The following RAD52 variants were observed in gnomAD, a reference collection of about 807,000 sequenced individuals.
The protein encoded by RAD52 is DNA repair protein RAD52 homolog.
RAD52 carries 47 observed loss-of-function variants against 55.5 expected under a neutral mutation model. The observed-to-expected ratio is 0.85, with a 90% CI of 0.67 to 1.08. The LOEUF (loss-of-function observed/expected upper bound fraction) is 1.08. Ranked by LOEUF, RAD52 falls within the 50% of genes least tolerant of loss-of-function variation. RAD52 has a pLI of 0.00. For missense variants in RAD52, 468 were observed against 522.8 expected (o/e 0.90, Z 1.02); for synonymous variants, 184 against 198.9 (o/e 0.92, Z 0.63).
At chr12:984,288 C>T (rs1467227491) in intron 1 of RAD52, among the ~76,000 whole-genome samples, 1 of 152,032 alleles carries the variant, frequency 6.6e-6, no homozygotes, top group African/African-American at 2.4e-5. Context: ...CTCCGCCTCC[C>T]GGGTTCAAGC....
chr12:983,258 A>G (rs1476955747), intron 1 of RAD52, among the ~76,000 whole-genome samples: 1 of 152,116 alleles, frequency 6.6e-6, no homozygotes, highest in African/African-American at 2.4e-5. Context: ...GCAGCACTCC[A>G]CTTCTTGGCA....
upstream of RAD52, among the ~76,000 whole-genome samples, chr12:950,338 G>A (rs575741009): frequency 1.3e-5 from 2 of 152,158 alleles, no homozygotes; most frequent in Non-Finnish European, 2.9e-5. Context: ...TTGGGACGCC[G>A]AGGCGGGCTG....
At chr12:977,037 G>C (rs1176803864) in intron 1 of RAD52, 1 of 152,548 alleles carries the variant, frequency 6.6e-6, no homozygotes, top group East Asian at 1.9e-4. Context: ...CACAGTCCTC[G>C]ATCCTTGTCT....
At chr12:916,599 G>A (rs775728566) in intron 8 of RAD52, 40 bp downstream of exon 8, 2 of 1,599,996 alleles carry the variant, frequency 1.3e-6, no homozygotes, top group Non-Finnish European at 1.7e-6. Context: ...CGTGACACAG[G>A]AGGGGCCGCA....
At chr12:971,918 T>A (rs1454071199) in intron 1 of RAD52, among the ~76,000 whole-genome samples, 1 of 152,152 alleles carries the variant, frequency 6.6e-6, no homozygotes, top group Non-Finnish European at 1.5e-5. Context: ...CTGGCTAATT[T>A]TTTGTATTTT....
chr12:962,638 C>T (rs183282102), intron 1 of RAD52, among the ~76,000 whole-genome samples: 1 of 152,182 alleles, frequency 6.6e-6, no homozygotes, highest in Non-Finnish European at 1.5e-5. Context: ...TGAGCCACTG[C>T]ACCTGGCCCA....
rs1035256732 is a variant in RAD52, at chr12:912,157, G to C, written c.*1234C>G. 1 of 197,846 alleles carries C rather than the reference G, an allele frequency of 5.1e-6. No individual in the cohort carries two copies. The highest frequency in any genetic ancestry group is 2.3e-5 in the African/African-American group (1 of 43,334). The allele number at this position is 197,846 out of a possible 1,614,324, so 12.3% of individuals were successfully genotyped here. ...CACCTGAAATGGGGAAGTAGAAACA[G>C]TTGCGTTTGAGCATCCCTAATTGAA... On this transcript the variant is annotated 3_prime_UTR_variant, in exon 12 of 12. Coordinates refer to ENST00000358495, the MANE Select transcript of RAD52 (RefSeq NM_134424.4).
upstream of RAD52, among the ~76,000 whole-genome samples, chr12:954,092 T>A (rs896806733): frequency 2.6e-4 from 39 of 152,362 alleles, no homozygotes; most frequent in African/African-American, 8.4e-4. Flanking sequence ...TGATTACTAA[T>A]GATTTTAAGC....
Position 929,816 on chromosome 12 carries a change from C to T in RAD52, c.348+3G>A, listed in dbSNP as rs766000084. On this transcript the variant is annotated splice_donor_region_variant and intron_variant, in intron 5 of 11. Coordinates refer to ENST00000358495, the MANE Select transcript of RAD52 (RefSeq NM_134424.4). ...GGGCAGCAGGTCTACTCCATCCCCTCACCTTCAGCTGGACCCTCACAAATG... is the reference window on the plus strand; with the variant it reads ...GGGCAGCAGGTCTACTCCATCCCCTTACCTTCAGCTGGACCCTCACAAATG... 1.9e-6 allele frequency: 3 copies of T among 1,613,140 alleles called. No homozygotes were observed. The highest frequency in any genetic ancestry group is 2.5e-6 in the Non-Finnish European group (3 of 1,179,238).
chr12:949,570 C>T (rs868112339), intron 1 of RAD52, 32 bp downstream of exon 1: 1 of 151,522 alleles, frequency 6.6e-6, no homozygotes, highest in Non-Finnish European at 1.5e-5. Context: ...CTAGAACCAC[C>T]CCGGGGGAAG....
chr12:987,040 G>A (rs1170020404), intron 1 of RAD52, among the ~76,000 whole-genome samples: 2 of 151,484 alleles, frequency 1.3e-5, no homozygotes, highest in South Asian at 2.1e-4. Flanking sequence ...GCACAATCTC[G>A]GCTGACTGCA....
Position 929,746 on chromosome 12 carries a change from A to G in RAD52, c.348+73T>C, listed in dbSNP as rs751015329. 4 of 1,431,818 alleles carry G rather than the reference A, an allele frequency of 2.8e-6. No homozygotes were observed. The South Asian group carries it at 4.6e-5, about 16-fold the overall frequency. The allele number at this position is 1,431,818 out of a possible 1,614,324, so 88.7% of individuals were successfully genotyped here. On this transcript the variant is annotated intron_variant, in intron 5 of 11. Transcript: ENST00000358495. ...AGCCTGGGTCCCCGTCCAGCTACCT[A>G]CTTCCCTACCTGCTCACCTTCTCCT...
chr12:954,228 G>C (rs1958574640), upstream of RAD52, among the ~76,000 whole-genome samples: 1 of 152,102 alleles, frequency 6.6e-6, no homozygotes, highest in Non-Finnish European at 1.5e-5. Flanking sequence ...TGAAATTCTA[G>C]ATATTAATCT....
intron 1 of RAD52, among the ~76,000 whole-genome samples, chr12:966,937 T>C (rs760185254): frequency 1.4e-4 from 21 of 152,092 alleles, no homozygotes; most frequent in Non-Finnish European, 2.9e-4. Context: ...TGGCTACACT[T>C]CCTTATTTTT....
rs758649986 is a variant in RAD52, at chr12:913,456, T to C, written c.1196-4A>G. The stretch of plus-strand genomic sequence containing the variant: ...TTCCTATGAGATTCCCAGTTTCCTA[T>C]GGAAGACAAAATGGCTTAAATGTAG... On this transcript the variant is annotated splice_region_variant and splice_polypyrimidine_tract_variant and intron_variant, in intron 11 of 11. Transcript: ENST00000358495. The C allele has an allele frequency of 5.0e-6, 8 of 1,592,948 alleles. No individual in the cohort carries two copies. In the East Asian group the frequency reaches 8.9e-5, roughly 18 times the overall value.
At position 920,180 on chromosome 12, in the gene RAD52, G is replaced by A. The variant is rs1187978464; in HGVS notation, c.544-3360C>T. 1.9e-5 allele frequency among the ~76,000 whole-genome samples: 2 copies of A among 105,900 alleles called. 1 individual carries two copies. Among genetic ancestry groups the A allele is most frequent in the Non-Finnish European group, 3.9e-5 (2 of 51,466 alleles). The allele number at this position is 105,900 out of a possible 152,430, so 69.5% of individuals were successfully genotyped here. The stretch of plus-strand genomic sequence containing the variant: ...TGCAGTGAGCCAAGATCGCACCACT[G>A]CACTCTAGCCTGGGCGGCAGAGCAA... On this transcript the variant is annotated intron_variant, in intron 7 of 11. Transcript: ENST00000358495.
rs984480458 is a variant in RAD52 at position 913,040 on chromosome 12, C to T, written c.*351G>A. ...CAATTGCTGAGGCAGGTGCTTAGGA[C>T]CAAGTCTGGCCTATATTGCTTGAGG... On this transcript the variant is annotated 3_prime_UTR_variant, in exon 12 of 12. Transcript: ENST00000358495. 4.0e-6 allele frequency: 1 copy of T among 247,164 alleles called. No homozygotes were observed. The highest frequency in any genetic ancestry group is 2.2e-5 in the African/African-American group (1 of 45,172). The allele number at this position is 247,164 out of a possible 1,614,324, so 15.3% of individuals were successfully genotyped here.
intron 1 of RAD52, chr12:974,388 G>C (rs966143689): frequency 6.6e-6 from 1 of 152,168 alleles, no homozygotes; most frequent in Non-Finnish European, 1.5e-5. Context: ...TAAGAGGGAG[G>C]CTCCTGAAGA....
intron 11 of RAD52, 27 bp from the exon 12 acceptor site, chr12:913,479 T>TA: frequency 6.7e-7 from 1 of 1,489,324 alleles, no homozygotes; most frequent in South Asian, 1.2e-5. Flanking sequence ...GGCTTAAATG[T>TA]AGCTGCCATA....
Sources: gnomAD v4.1 joint callset for allele counts (sites outside exome capture counted in the v4.1 genomes callset) on GRCh38, gnomAD v4.1.1 for gene constraint, MANE v1.5 for transcripts, NCBI Gene and HGNC (gene_info 2026-07-23, HGNC 2026-07-21) for gene names.